The following EXOC6 variants were observed in gnomAD, a reference collection of about 807,000 sequenced individuals.
EXOC6 encodes the protein exocyst complex component 6.
Under a neutral mutation model 112.5 loss-of-function variants are expected in EXOC6, and 60 were observed. The ratio of observed to expected loss-of-function variants is 0.53; its 90% CI spans 0.43 to 0.66. EXOC6 has a LOEUF of 0.66. EXOC6 is among the 30% of genes least tolerant of loss of function. EXOC6 has a pLI of 0.00. For missense variants in EXOC6, 855 were observed against 957.1 expected (o/e 0.89, Z 1.41); for synonymous variants, 295 against 308.0 (o/e 0.96, Z 0.44).
intron 1 of EXOC6, among the ~76,000 whole-genome samples, chr10:92,868,585 C>CA (rs1472398811): frequency 6.7e-6 from 1 of 150,318 alleles, no homozygotes; most frequent in African/African-American, 2.5e-5. Context: ...CTAGAACACT[C>CA]AAAGTATTTG....
chr10:93,047,980 G>A (rs1297699830), intron 20 of EXOC6, among the ~76,000 whole-genome samples: 1 of 152,042 alleles, frequency 6.6e-6, no homozygotes, highest in Non-Finnish European at 1.5e-5. Context: ...AATTGTGAGA[G>A]AAAAGACACA....
chr10:92,891,397 GA>G (rs1397063942), intron 1 of EXOC6, among the ~76,000 whole-genome samples: 1 of 152,168 alleles, frequency 6.6e-6, no homozygotes, highest in African/African-American at 2.4e-5. Context: ...AGCTCTTACA[GA>G]ACCTACATTT....
chr10:92,997,471 C>T lies in EXOC6; in HGVS notation c.1954-3C>T. On this transcript the variant is annotated splice_polypyrimidine_tract_variant and splice_region_variant and intron_variant, in intron 18 of 21. Transcript: ENST00000260762. ...TGATTTTTGGTTTGATTGTTTTAAA[C>T]AGGGGAAAGTTGCTCAGACAGCTTG... 6.2e-7 allele frequency: 1 copy of T among 1,600,504 alleles called. No homozygotes were observed. The highest frequency in any genetic ancestry group is 2.2e-5 in the East Asian group (1 of 44,630).
At chr10:92,895,394 A>G (rs1849693945) in intron 4 of EXOC6, among the ~76,000 whole-genome samples, 1 of 151,780 alleles carries the variant, frequency 6.6e-6, no homozygotes, top group South Asian at 2.1e-4. Context: ...TTTTACCTCT[A>G]GTTTTCCATT....
At chr10:93,025,524 T>TGAC (rs1468011740) in intron 20 of EXOC6, among the ~76,000 whole-genome samples, 2 of 152,200 alleles carry the variant, frequency 1.3e-5, no homozygotes, top group African/African-American at 4.8e-5. Flanking sequence ...GTGTACTATT[T>TGAC]TCTTCTTCCA....
chr10:92,875,777 TTA>T (rs1160313118), intron 1 of EXOC6, among the ~76,000 whole-genome samples: 4 of 152,146 alleles, frequency 2.6e-5, no homozygotes, highest in Non-Finnish European at 5.9e-5. Flanking sequence ...TTGAGCAAAG[TTA>T]TGTTATTCAA....
Position 92,920,057 on chromosome 10 carries a change from A to G in EXOC6, c.888+7A>G, listed in dbSNP as rs1449493899. ...GCACATTTATTCTGTTTTGGTAAGT[A>G]TGTTTTATATTTATGTATATATAGC... On this transcript the variant is annotated splice_region_variant and intron_variant, in intron 8 of 21. Transcript: ENST00000260762. 7 of 1,560,490 alleles carry G rather than the reference A, an allele frequency of 4.5e-6. No homozygotes were observed. Among genetic ancestry groups the G allele is most frequent in the East Asian group, 2.3e-5 (1 of 44,038 alleles).
At chr10:93,011,162 A>G (rs1302305090) in intron 19 of EXOC6, among the ~76,000 whole-genome samples, 2 of 151,454 alleles carry the variant, frequency 1.3e-5, no homozygotes, top group East Asian at 3.9e-4. Flanking sequence ...GGTAGAAGCT[A>G]TGGTAACATT....
At chr10:92,945,065 C>A (rs1852903718) in intron 13 of EXOC6, among the ~76,000 whole-genome samples, 1 of 152,158 alleles carries the variant, frequency 6.6e-6, no homozygotes, top group Admixed American at 6.5e-5. Context: ...AGCCACTGTG[C>A]CTGGCCAGCC....
intron 17 of EXOC6, among the ~76,000 whole-genome samples, chr10:92,967,891 C>T (rs1842132331): frequency 6.6e-6 from 1 of 152,096 alleles, no homozygotes; most frequent in South Asian, 2.1e-4. Context: ...GTGTAGTGAA[C>T]TATATTCATC....
At chr10:92,971,002 T>C (rs761373834) in intron 17 of EXOC6, among the ~76,000 whole-genome samples, 1 of 152,230 alleles carries the variant, frequency 6.6e-6, no homozygotes, top group Non-Finnish European at 1.5e-5. Context: ...GTGGATCAAG[T>C]CTTCTGGTTT....
intron 5 of EXOC6, chr10:92,900,276 C>T (rs1850085170): frequency 6.6e-6 from 1 of 151,756 alleles, no homozygotes; most frequent in African/African-American, 2.4e-5. Context: ...TCCCCACCCC[C>T]TTCCCCCCAA....
chr10:92,953,510 G>A (rs1010229381), intron 15 of EXOC6, among the ~76,000 whole-genome samples: 1 of 152,130 alleles, frequency 6.6e-6, no homozygotes, highest in Non-Finnish European at 1.5e-5. Flanking sequence ...CACAAATTTG[G>A]CAATGTCTAG....
chr10:92,967,832 A>C (rs1357995349), intron 17 of EXOC6, among the ~76,000 whole-genome samples: 2 of 152,338 alleles, frequency 1.3e-5, no homozygotes, highest in East Asian at 3.9e-4. Flanking sequence ...TCTGAGGTTT[A>C]GGGTTCTCTT....
At chr10:92,873,402 G>A (rs1037572808) in intron 1 of EXOC6, among the ~76,000 whole-genome samples, 4 of 152,146 alleles carry the variant, frequency 2.6e-5, no homozygotes, top group Non-Finnish European at 4.4e-5. Context: ...TTTTCTGTGC[G>A]TGGAAACAGG....
At chr10:92,874,419 G>C (rs1848598674) in intron 1 of EXOC6, among the ~76,000 whole-genome samples, 1 of 135,750 alleles carries the variant, frequency 7.4e-6, no homozygotes, top group African/African-American at 2.6e-5. Flanking sequence ...TCTTTATATT[G>C]TGACACAAAC....
chr10:93,030,165 C>T (rs1031759743), intron 20 of EXOC6, among the ~76,000 whole-genome samples: 2 of 152,176 alleles, frequency 1.3e-5, no homozygotes, highest in African/African-American at 4.8e-5. Context: ...GCCTCGACCT[C>T]CCAAAGTGCT....
chr10:92,958,099 T>C (rs2134028350), intron 17 of EXOC6, among the ~76,000 whole-genome samples: 1 of 152,308 alleles, frequency 6.6e-6, no homozygotes, highest in South Asian at 2.1e-4. Flanking sequence ...AAATAGCATA[T>C]AGACTGTTTT....
chr10:92,867,599 T>G (rs896685109), intron 1 of EXOC6, among the ~76,000 whole-genome samples: 4 of 152,166 alleles, frequency 2.6e-5, no homozygotes, highest in African/African-American at 9.6e-5. Flanking sequence ...CTTCCAAAAC[T>G]ATTAAAAGAT....
Sources: allele counts gnomAD v4.1 joint callset (sites outside exome capture counted in the v4.1 genomes callset), GRCh38; gene constraint gnomAD v4.1.1; transcripts MANE v1.5; gene names NCBI Gene and HGNC (gene_info 2026-07-23, HGNC 2026-07-21).